Variants in MAST2 observed in about 807,000 individuals in gnomAD.
The protein encoded by MAST2 is microtubule associated serine/threonine kinase 2.
MAST2 carries 70 observed loss-of-function variants against 147.4 expected under a neutral mutation model. The ratio of observed to expected loss-of-function variants is 0.47; its 90% CI spans 0.39 to 0.58. The LOEUF (loss-of-function observed/expected upper bound fraction) is 0.58, where lower values mean the gene tolerates loss of function less well. Ranked by LOEUF, MAST2 falls within the 20% of genes least tolerant of loss-of-function variation. The pLI, the probability that MAST2 is intolerant of heterozygous loss-of-function variation, is 0.00. For missense variants in MAST2, 2,080 were observed against 2,302.3 expected (o/e 0.90, Z 1.98); for synonymous variants, 869 against 896.8 (o/e 0.97, Z 0.55).
chr1:45,812,706 T>A (rs759409608), intron 1 of MAST2, among the ~76,000 whole-genome samples: 6 of 152,214 alleles, frequency 3.9e-5, no homozygotes, highest in Non-Finnish European at 7.3e-5. Flanking sequence ...ATTACAAGCA[T>A]CGGCCACTGT....
chr1:45,826,735 A>C (rs1644804714), intron 2 of MAST2, among the ~76,000 whole-genome samples: 1 of 152,130 alleles, frequency 6.6e-6, no homozygotes, highest in Non-Finnish European at 1.5e-5. Flanking sequence ...CAGTCCATCT[A>C]TCTGCTTTAG....
At chr1:45,988,765 C>T (rs1644747751) in intron 5 of MAST2, among the ~76,000 whole-genome samples, 1 of 152,174 alleles carries the variant, frequency 6.6e-6, no homozygotes, top group African/African-American at 2.4e-5. Flanking sequence ...TTTTGGCCAT[C>T]AAGGTCCTTT....
chr1:45,907,905 T>C (rs1249545650), intron 4 of MAST2, among the ~76,000 whole-genome samples: 3 of 152,196 alleles, frequency 2.0e-5, no homozygotes, highest in Admixed American at 1.3e-4. Context: ...TTTGAACTTT[T>C]TGTCTATTTT....
At chr1:45,954,478 G>A (rs545558448) in intron 4 of MAST2, among the ~76,000 whole-genome samples, 1 of 152,314 alleles carries the variant, frequency 6.6e-6, no homozygotes, top group African/African-American at 2.4e-5. Context: ...ACTCCAAGTA[G>A]CCAAGTGACT....
At chr1:45,991,103 C>T (rs1644839042) in intron 5 of MAST2, among the ~76,000 whole-genome samples, 1 of 152,004 alleles carries the variant, frequency 6.6e-6, no homozygotes, top group Non-Finnish European at 1.5e-5. Flanking sequence ...CATTTTTTTG[C>T]ATATGAACAT....
chr1:45,827,141 T>C (rs1644819237), intron 2 of MAST2, among the ~76,000 whole-genome samples: 1 of 152,194 alleles, frequency 6.6e-6, no homozygotes, highest in Non-Finnish European at 1.5e-5. Flanking sequence ...GTTACTTCTT[T>C]TGTCTCATTT....
intron 3 of MAST2, among the ~76,000 whole-genome samples, chr1:45,835,027 T>A (rs1645063954): frequency 6.6e-6 from 1 of 152,094 alleles, no homozygotes; most frequent in Non-Finnish European, 1.5e-5. Context: ...GTTCTTAACA[T>A]ATCTACTGGA....
intron 4 of MAST2, among the ~76,000 whole-genome samples, chr1:45,921,675 GGTGC>G (rs1365422968): frequency 3.9e-5 from 6 of 152,166 alleles, no homozygotes; most frequent in Non-Finnish European, 5.9e-5. Flanking sequence ...GGAACGCGGT[GGTGC>G]CCAGAAACTT....
At chr1:46,021,893 T>G in intron 11 of MAST2, 57 bp from the exon 12 acceptor site, 2 of 1,593,190 alleles carry the variant, frequency 1.3e-6, no homozygotes, top group South Asian at 1.1e-5. Flanking sequence ...AAACCAAAGA[T>G]GCCAGCAGCT....
Position 46,034,064 on chromosome 1 carries a change from T to C in MAST2, c.3675-9T>C. Reference sequence around the variant, plus strand: ...GCACCGACTCAGCCTTTGACCCTTATCCCCGCAGCAGAAAAAGGAGCTCCC... The same window carrying C: ...GCACCGACTCAGCCTTTGACCCTTACCCCCGCAGCAGAAAAAGGAGCTCCC... On this transcript the variant is annotated splice_polypyrimidine_tract_variant and intron_variant, in intron 27 of 28. Transcript: ENST00000361297. 3 of 1,611,700 alleles carry C rather than the reference T, an allele frequency of 1.9e-6. No individual in the cohort carries two copies. The highest frequency in any genetic ancestry group is 2.2e-5 in the South Asian group (2 of 90,656).
At chr1:45,808,759 AATGGTAAGTGC>A (rs1644210841) in intron 1 of MAST2, among the ~76,000 whole-genome samples, 1 of 152,184 alleles carries the variant, frequency 6.6e-6, no homozygotes, top group Non-Finnish European at 1.5e-5. Flanking sequence ...CTCCCTGGCT[AATGGTAAGTGC>A]TTTATAAATA....
At chr1:45,970,133 A>G (rs955680834) in intron 5 of MAST2, among the ~76,000 whole-genome samples, 1 of 152,216 alleles carries the variant, frequency 6.6e-6, no homozygotes, top group African/African-American at 2.4e-5. Context: ...GCGCGTATCA[A>G]AACAGTTCCT....
rs118072231 is a variant in MAST2 at position 45,917,812 on chromosome 1, C to T, written c.500+35417C>T. 1.2e-4 allele frequency among the ~76,000 whole-genome samples: 19 copies of T among 152,284 alleles called. No individual in the cohort carries two copies. In the East Asian group the frequency reaches 2.9e-3, roughly 23 times the overall value. On this transcript the variant is annotated intron_variant, in intron 4 of 28. Coordinates refer to ENST00000361297, the MANE Select transcript of MAST2 (RefSeq NM_015112.3). ...ACTATGACCTGTGACCACCCCATAG[C>T]ATGGCAGAGTGCTAGAACTCTTAGG...
At chr1:45,960,174 C>G (rs1056403947) in intron 5 of MAST2, among the ~76,000 whole-genome samples, 1 of 152,116 alleles carries the variant, frequency 6.6e-6, no homozygotes, top group South Asian at 2.1e-4. Context: ...CTCTTCCCGA[C>G]AGTATAAGGA....
rs540984084 is a variant in MAST2 at position 46,015,855 on chromosome 1, G to T, written c.1189-3741G>T. Among the ~76,000 whole-genome samples the T allele has an allele frequency of 1.5e-4, 23 of 152,106 alleles. 1 individual carries two copies. In the East Asian group the frequency reaches 4.1e-3, roughly 27 times the overall value. ...CCAGCATCATCCTGATACCAAAGCC[G>T]GGCAGAGACACAACTAAAAAAGAGA... On this transcript the variant is annotated intron_variant, in intron 10 of 28. Transcript: ENST00000361297.
chr1:45,939,682 G>A (rs1279540380), intron 4 of MAST2, among the ~76,000 whole-genome samples: 1 of 151,976 alleles, frequency 6.6e-6, no homozygotes, highest in Non-Finnish European at 1.5e-5. Flanking sequence ...TGGGACTACA[G>A]GCATGCACCA....
intron 10 of MAST2, 51 bp from the exon 11 acceptor site, chr1:46,019,543 TTA>T: frequency 6.8e-7 from 1 of 1,477,318 alleles, no homozygotes; most frequent in Non-Finnish European, 9.5e-7. Flanking sequence ...CTGGTCCTGC[TTA>T]GCCCAGCCAC....
At chr1:45,962,181 T>G (rs1660519036) in intron 5 of MAST2, among the ~76,000 whole-genome samples, 1 of 152,208 alleles carries the variant, frequency 6.6e-6, no homozygotes, top group Non-Finnish European at 1.5e-5. Context: ...TGTTGGACAT[T>G]TGGGTTGGTT....
intron 5 of MAST2, among the ~76,000 whole-genome samples, chr1:45,982,904 C>T (rs1485795630): frequency 6.6e-6 from 1 of 152,094 alleles, no homozygotes; most frequent in African/African-American, 2.4e-5. Flanking sequence ...TGCAGTATAC[C>T]CAACTTGAGG....
Sources: gnomAD v4.1 joint callset for allele counts (sites outside exome capture counted in the v4.1 genomes callset) on GRCh38, gnomAD v4.1.1 for gene constraint, MANE v1.5 for transcripts, NCBI Gene and HGNC (gene_info 2026-07-23, HGNC 2026-07-21) for gene names.